PHLDB2: variants seen among roughly 807,000 people sequenced by gnomAD.
PHLDB2 encodes the protein pleckstrin homology-like domain family B member 2.
A neutral mutation model predicts 123.6 loss-of-function variants in PHLDB2; 71 were observed. The ratio of observed to expected loss-of-function variants is 0.57; its 90% CI spans 0.47 to 0.70. The LOEUF (loss-of-function observed/expected upper bound fraction) is 0.70, where lower values mean the gene tolerates loss of function less well. Ranked by LOEUF, PHLDB2 falls within the 30% of genes least tolerant of loss-of-function variation. The pLI, the probability that PHLDB2 is intolerant of heterozygous loss-of-function variation, is 0.00. For synonymous variants in PHLDB2, 547 were observed against 541.6 expected (o/e 1.01, Z -0.14); for missense variants, 1,446 against 1,519.5 (o/e 0.95, Z 0.80).
At chr3:111,744,591 A>G (rs1159606334) in intron 1 of PHLDB2, among the ~76,000 whole-genome samples, 2 of 152,214 alleles carry the variant, frequency 1.3e-5, no homozygotes, top group Non-Finnish European at 2.9e-5. Flanking sequence ...ACATACGTGG[A>G]TACTGTGCAG....
chr3:111,739,639 A>G (rs1482026552), intron 1 of PHLDB2, among the ~76,000 whole-genome samples: 1 of 148,348 alleles, frequency 6.7e-6, no homozygotes, highest in Non-Finnish European at 1.5e-5. Context: ...AAAAGCTTTG[A>G]GTCTGCTCTG....
At chr3:111,759,184 G>A (rs2059952537) in intron 1 of PHLDB2, among the ~76,000 whole-genome samples, 6 of 151,570 alleles carry the variant, frequency 4.0e-5, no homozygotes, top group Admixed American at 3.9e-4. Flanking sequence ...CCATAAACTA[G>A]GTAGCTTATG....
At chr3:111,905,580 C>G (rs1184029994) in intron 2 of PHLDB2, among the ~76,000 whole-genome samples, 1 of 152,126 alleles carries the variant, frequency 6.6e-6, no homozygotes, top group African/African-American at 2.4e-5. Flanking sequence ...TGGTCTCGAA[C>G]TCCTGTCCCC....
chr3:111,807,390 G>C (rs1415876060), intron 1 of PHLDB2, among the ~76,000 whole-genome samples: 2 of 152,054 alleles, frequency 1.3e-5, no homozygotes, highest in Admixed American at 1.3e-4. Context: ...GAAGATTAGG[G>C]TTTAAACATT....
chr3:111,757,402 T>C (rs192635019), intron 1 of PHLDB2, among the ~76,000 whole-genome samples: 1 of 152,242 alleles, frequency 6.6e-6, no homozygotes, highest in African/African-American at 2.4e-5. Flanking sequence ...ATTCATTTCA[T>C]GAATGGAGCT....
At chr3:111,839,940 C>CT (rs3082317) in intron 1 of PHLDB2, among the ~76,000 whole-genome samples, 4,580 of 64,458 alleles carry the variant, frequency 0.071, 975 homozygotes, top group East Asian at 0.1. Flanking sequence ...CCCACCCCCG[C>CT]TTTTTTTTTT....
At chr3:111,742,199 A>T (rs2107929771) in intron 1 of PHLDB2, among the ~76,000 whole-genome samples, 1 of 152,278 alleles carries the variant, frequency 6.6e-6, no homozygotes, top group Admixed American at 6.5e-5. Context: ...TCTAACTGGG[A>T]TACTACTATT....
intron 1 of PHLDB2, among the ~76,000 whole-genome samples, chr3:111,743,941 A>T (rs2059643716): frequency 1.3e-5 from 2 of 152,364 alleles, no homozygotes; most frequent in South Asian, 4.1e-4. Context: ...TATCTATAAA[A>T]GTTAATTAGG....
chr3:111,752,539 C>T (rs2059799879), intron 1 of PHLDB2, among the ~76,000 whole-genome samples: 1 of 151,804 alleles, frequency 6.6e-6, no homozygotes, highest in Non-Finnish European at 1.5e-5. Flanking sequence ...CCAAATGCAT[C>T]TATTTTGCTG....
chr3:111,849,205 C>T (rs1008681417), intron 2 of PHLDB2, among the ~76,000 whole-genome samples: 5 of 152,114 alleles, frequency 3.3e-5, no homozygotes, highest in Non-Finnish European at 7.4e-5. Flanking sequence ...TGGTCTCACT[C>T]TATTGCCTAG....
At chr3:111,960,107 G>A (rs2071307553) in intron 12 of PHLDB2, 2 of 728,494 alleles carry the variant, frequency 2.7e-6, no homozygotes, top group Non-Finnish European at 3.4e-6. Flanking sequence ...TTGTTTTTTT[G>A]TCATTTGCAT....
chr3:111,950,459 AG>A (rs2070640462), intron 10 of PHLDB2, among the ~76,000 whole-genome samples: 1 of 152,210 alleles, frequency 6.6e-6, no homozygotes, highest in African/African-American at 2.4e-5. Flanking sequence ...AGTGAGGTTA[AG>A]TAGCTTGTCC....
chr3:111,878,825 A>ATTGG (rs768558909), intron 1 of PHLDB2, among the ~76,000 whole-genome samples: 6 of 152,126 alleles, frequency 3.9e-5, no homozygotes. Context: ...GGTTTTTATT[A>ATTGG]TTGGTTCTGA....
intron 2 of PHLDB2, among the ~76,000 whole-genome samples, chr3:111,851,956 C>CT (rs138253324): frequency 0.1 from 15,177 of 149,080 alleles, 996 homozygotes; most frequent in South Asian, 0.17. Flanking sequence ...GCCCCTCAAC[C>CT]TTTTTTTTTT....
intron 2 of PHLDB2, chr3:111,911,796 G>A (rs2067900619): frequency 1.6e-5 from 21 of 1,321,412 alleles, no homozygotes; most frequent in Non-Finnish European, 2.1e-5. Context: ...TTTTGTTGGG[G>A]GATTACTTTA....
chr3:111,755,522 T>A (rs1395062021), intron 1 of PHLDB2, among the ~76,000 whole-genome samples: 9 of 145,770 alleles, frequency 6.2e-5, no homozygotes, highest in Non-Finnish European at 1.1e-4. Context: ...TTTTATTGCG[T>A]CTATTTGATT....
chr3:111,860,772 C>G (rs1426265315), intron 1 of PHLDB2, among the ~76,000 whole-genome samples: 2 of 152,200 alleles, frequency 1.3e-5, no homozygotes, highest in Non-Finnish European at 2.9e-5. Flanking sequence ...AAATCTTTAT[C>G]CTGCAACTCT....
In PHLDB2 at chr3:111,884,249, T is replaced by C; in HGVS notation, c.172T>C (p.Ser58Pro). The C allele has an allele frequency of 6.2e-7, 1 of 1,614,190 alleles. No homozygotes were observed. ...TAAAGCCAATGGAGACTATTCTGGCTCCTATTTAACCCTCTCACAACCTGT... is the reference window on the plus strand; with the variant it reads ...TAAAGCCAATGGAGACTATTCTGGCCCCTATTTAACCCTCTCACAACCTGT... ...RFKANGDYSG[S>P]YLTLSQPVPA... The change falls in exon 2 of 18, where the codon TCC becomes CCC. Residue 58 changes from serine to proline, a missense_variant. Around this residue, in one of 3 missense-constraint regions of PHLDB2, gnomAD observed 832 missense variants for 831.9 expected, o/e 1.00. Transcript: ENST00000431670.
rs1251042075 is a variant in PHLDB2, at chr3:111,915,008, A to T, written c.1719+1306A>T. On this transcript the variant is annotated intron_variant, in intron 3 of 17. Transcript: ENST00000431670. Reference sequence around the variant, plus strand: ...AAATGATTTGAAGGAGCTTACAATGAAAGATATAAATTTTATTGGACTAAA... The same window carrying T: ...AAATGATTTGAAGGAGCTTACAATGTAAGATATAAATTTTATTGGACTAAA... 43 of 152,174 alleles carry T rather than the reference A, an allele frequency of 2.8e-4. 1 individual carries two copies. Among genetic ancestry groups the T allele is most frequent in the Admixed American group, 2.7e-3 (41 of 15,282 alleles). 9.4% of individuals were successfully genotyped at this position (152,174 alleles called of 1,614,324 possible). A position where few individuals can be genotyped will look rare whatever the true frequency, so the allele number is the denominator to read the frequency against.
Sources: gnomAD v4.1 joint callset for allele counts (sites outside exome capture counted in the v4.1 genomes callset) on GRCh38, gnomAD v4.1.1 for gene constraint, gnomAD v4.1.1 regional missense constraint, MANE v1.5 for transcripts, NCBI Gene and HGNC (gene_info 2026-07-23, HGNC 2026-07-21) for gene names.